The following ALG13 variants were observed in gnomAD, a reference collection of about 807,000 sequenced individuals.
ALG13 encodes ALG13 UDP-N-acetylglucosaminyltransferase subunit, also known as UDP-N-acetylglucosamine transferase subunit ALG13.
In ALG13, 11 loss-of-function variants were observed where a neutral mutation model predicts 87.8. That is an observed-to-expected ratio of 0.13 (90% CI 0.08 to 0.21). The LOEUF (loss-of-function observed/expected upper bound fraction) is 0.21, where lower values mean the gene tolerates loss of function less well. ALG13 is among the 10% of genes least tolerant of loss of function. The pLI, the probability that ALG13 is intolerant of heterozygous loss-of-function variation, is 1.00. For synonymous variants in ALG13, 320 were observed against 306.3 expected (o/e 1.04, Z -0.47); for missense variants, 756 against 866.1 (o/e 0.87, Z 1.60).
chrX:111,725,506 G>A (rs761141684), intron 15 of ALG13, among the ~76,000 whole-genome samples: 1 of 110,797 alleles, frequency 9.0e-6, no homozygotes, highest in South Asian at 3.9e-4. Context: ...TAGTTAATGG[G>A]TACAAAAATA....
intron 8 of ALG13, among the ~76,000 whole-genome samples, chrX:111,715,641 C>T (rs1940470059): frequency 1.8e-5 from 2 of 112,185 alleles, no homozygotes. Context: ...TCACTTGAGC[C>T]CAGGAGGCGG....
chrX:111,696,458 C>T (rs938013458), intron 3 of ALG13, among the ~76,000 whole-genome samples: 1 of 111,495 alleles, frequency 9.0e-6, no homozygotes, highest in Non-Finnish European at 1.9e-5. Context: ...TACCATATTG[C>T]CTCTCAGAAA....
chrX:111,759,997 T>C lies in ALG13; in HGVS notation c.3412T>C (p.Ter1138GlnextTer5). Residue 1138 changes from the stop codon to glutamine, a stop_lost, in exon 27 of 27, where the codon TAA (stop) becomes CAA (glutamine). Coordinates refer to ENST00000394780, the MANE Select transcript of ALG13 (RefSeq NM_001099922.3). ...PASHYVPQGM[*>Q] is the part of the protein sequence containing the mutation. The stretch of plus-strand genomic sequence containing the variant: ...TTCTCATTATGTACCTCAGGGTATG[T>C]AAGATCCAGCAGTATGAAGTATTCT... The C allele has an allele frequency of 8.3e-7, 1 of 1,210,034 alleles. No individual in the cohort carries two copies. The highest frequency in any genetic ancestry group is 1.1e-6 in the Non-Finnish European group (1 of 894,404).
intron 15 of ALG13, among the ~76,000 whole-genome samples, chrX:111,726,497 G>C (rs1942060486): frequency 9.0e-6 from 1 of 110,544 alleles, no homozygotes; most frequent in South Asian, 3.9e-4. Flanking sequence ...CTTCCAAAGT[G>C]CTGGGATTAC....
At chrX:111,685,136 C>T in intron 3 of ALG13, 33 bp downstream of exon 3, 1 of 1,188,489 alleles carries the variant, frequency 8.4e-7, no homozygotes, top group East Asian at 3.1e-5. Flanking sequence ...TTATCTCTTG[C>T]CTTAATTCGT....
chrX:111,688,986 CAATCATATTATCCCAACA>C, intron 3 of ALG13: 1 of 742,270 alleles, frequency 1.3e-6, no homozygotes, highest in Non-Finnish European at 1.6e-6. Flanking sequence ...TCTTCCATTC[CAATCATATTATCCCAACA>C]TGCTAAATGT....
chrX:111,739,567 A>G (rs997719768), intron 23 of ALG13, among the ~76,000 whole-genome samples: 1 of 112,700 alleles, frequency 8.9e-6, no homozygotes, highest in African/African-American at 3.2e-5. Flanking sequence ...AATGATAATC[A>G]TCAAACTTTG....
chrX:111,686,265 T>TACAC, intron 3 of ALG13: 1 of 394,650 alleles, frequency 2.5e-6, no homozygotes, highest in Non-Finnish European at 3.8e-6. Context: ...TATATGTGTA[T>TACAC]ATATATATTT....
At chrX:111,693,873 G>A (rs1279428832) in intron 3 of ALG13, among the ~76,000 whole-genome samples, 1 of 110,361 alleles carries the variant, frequency 9.1e-6, no homozygotes, top group Non-Finnish European at 1.9e-5. Flanking sequence ...AGGACCTCAT[G>A]GCCCCGGGTT....
chrX:111,699,719 C>T (rs1273606524), intron 3 of ALG13, among the ~76,000 whole-genome samples: 1 of 111,232 alleles, frequency 9.0e-6, no homozygotes, highest in Admixed American at 9.5e-5. Context: ...TCTGGGCTTT[C>T]TATCCTGTTC....
At chrX:111,688,999 C>T in intron 3 of ALG13, 1 of 738,876 alleles carries the variant, frequency 1.4e-6, no homozygotes. Flanking sequence ...TCATATTATC[C>T]CAACATGCTA....
chrX:111,717,724 A>T (rs1940833539), intron 8 of ALG13, 122 bp from the exon 9 acceptor site: 2 of 454,268 alleles, frequency 4.4e-6, no homozygotes, highest in Non-Finnish European at 3.6e-6. Context: ...AAATCACTTT[A>T]AAAAAATTCA....
intron 25 of ALG13, 26 bp from the exon 26 acceptor site, chrX:111,757,562 T>G (rs776993866): frequency 8.7e-7 from 1 of 1,149,410 alleles, no homozygotes. Context: ...AGTTTCTTAT[T>G]TTTTTGTTGC....
At chrX:111,692,981 A>G (rs962186859) in intron 3 of ALG13, among the ~76,000 whole-genome samples, 7 of 109,940 alleles carry the variant, frequency 6.4e-5, no homozygotes, top group African/African-American at 2.3e-4. Flanking sequence ...GGGTTTTGCC[A>G]TGTTGCGCAG....
chrX:111,757,108 C>A (rs1034338391), intron 25 of ALG13, among the ~76,000 whole-genome samples: 1 of 111,744 alleles, frequency 8.9e-6, no homozygotes, highest in African/African-American at 3.2e-5. Flanking sequence ...TCACTGTATA[C>A]TTTATATATT....
At chrX:111,681,545 C>T in intron 1 of ALG13, 1 of 971,706 alleles carries the variant, frequency 1.0e-6, no homozygotes, top group Non-Finnish European at 1.3e-6. Flanking sequence ...TCCCTCATTT[C>T]TTCAGCTCCT....
At chrX:111,698,347 C>T (rs780416338) in intron 3 of ALG13, among the ~76,000 whole-genome samples, 1 of 111,619 alleles carries the variant, frequency 9.0e-6, no homozygotes, top group East Asian at 2.8e-4. Flanking sequence ...AACATATTCA[C>T]CTCACTTACC....
intron 24 of ALG13, among the ~76,000 whole-genome samples, chrX:111,750,852 A>G (rs776002741): frequency 9.2e-6 from 1 of 108,392 alleles, no homozygotes; most frequent in East Asian, 2.9e-4. Flanking sequence ...TATTTTTAGT[A>G]GAGATGGAGT....
intron 18 of ALG13, 148 bp from the exon 19 acceptor site, chrX:111,728,037 C>T (rs1301816962): frequency 1.3e-6 from 1 of 780,589 alleles, no homozygotes; most frequent in Non-Finnish European, 1.9e-6. Flanking sequence ...TTCTAAACTG[C>T]ATGGAAAACA....
Sources: allele counts gnomAD v4.1 joint callset (sites outside exome capture counted in the v4.1 genomes callset), GRCh38; gene constraint gnomAD v4.1.1; transcripts MANE v1.5; gene names NCBI Gene and HGNC (gene_info 2026-07-23, HGNC 2026-07-21).